The following KCNH7 variants were observed in gnomAD, a reference collection of about 807,000 sequenced individuals.
The protein encoded by KCNH7 is potassium voltage-gated channel subfamily H member 7, also known as voltage-gated inwardly rectifying potassium channel KCNH7.
KCNH7 carries 49 observed loss-of-function variants against 120.8 expected under a neutral mutation model. The observed-to-expected ratio is 0.41, with a 90% CI of 0.32 to 0.51. KCNH7 has a LOEUF of 0.51. Among genes scored for constraint, KCNH7 ranks in the 20% least tolerant of loss-of-function variants. The pLI, the probability that KCNH7 is intolerant of heterozygous loss-of-function variation, is 0.38. For synonymous variants in KCNH7, 547 were observed against 516.1 expected (o/e 1.06, Z -0.81); for missense variants, 1,097 against 1,446.6 (o/e 0.76, Z 3.92).
chr2:162,793,993 G>T (rs909825400), intron 2 of KCNH7, among the ~76,000 whole-genome samples: 1 of 151,702 alleles, frequency 6.6e-6, no homozygotes, highest in Non-Finnish European at 1.5e-5. Flanking sequence ...AATTGATTGT[G>T]GTGATTACTT....
At chr2:162,613,016 T>C (rs1683020782) in intron 2 of KCNH7, among the ~76,000 whole-genome samples, 1 of 151,962 alleles carries the variant, frequency 6.6e-6, no homozygotes, top group Non-Finnish European at 1.5e-5. Context: ...ATGTATTTAC[T>C]TGGGCTTCTG....
At chr2:162,458,602 T>C (rs1689050136) in intron 6 of KCNH7, among the ~76,000 whole-genome samples, 1 of 152,294 alleles carries the variant, frequency 6.6e-6, no homozygotes, top group South Asian at 2.1e-4. Flanking sequence ...GTTGCTTTCA[T>C]TTAGAAAATA....
intron 2 of KCNH7, among the ~76,000 whole-genome samples, chr2:162,776,868 T>C (rs1256576185): frequency 2.0e-5 from 3 of 152,208 alleles, no homozygotes; most frequent in Non-Finnish European, 2.9e-5. Flanking sequence ...GAAGTAACTT[T>C]CTGGCTTGGG....
rs1198058793 is a variant in KCNH7 at position 162,679,762 on chromosome 2, GTTAA to G, written c.308-142686_308-142683del. 6.6e-5 allele frequency among the ~76,000 whole-genome samples: 10 copies of G among 151,592 alleles called. No homozygotes were observed. The East Asian group carries it at 1.7e-3, about 26-fold the overall frequency. ...AAAACAAGGCAGGGTTCAGCTTTGT[GTTAA>G]TTAATGTATTATGCTTAATTTATTT... On this transcript the variant is annotated intron_variant, in intron 2 of 15. Transcript: ENST00000332142.
chr2:162,732,120 G>A (rs1687750669), intron 2 of KCNH7, among the ~76,000 whole-genome samples: 1 of 152,128 alleles, frequency 6.6e-6, no homozygotes, highest in Non-Finnish European at 1.5e-5. Flanking sequence ...GTGGTGTAGG[G>A]AGCAAGATGC....
chr2:162,593,346 G>A (rs1694275564), intron 2 of KCNH7, among the ~76,000 whole-genome samples: 1 of 152,060 alleles, frequency 6.6e-6, no homozygotes, highest in South Asian at 2.1e-4. Context: ...AGTGACAGGT[G>A]TTCTGTATTA....
intron 2 of KCNH7, among the ~76,000 whole-genome samples, chr2:162,620,406 G>A (rs996234121): frequency 2.0e-5 from 3 of 151,954 alleles, no homozygotes; most frequent in Non-Finnish European, 4.4e-5. Context: ...GATTCCAACA[G>A]TGTATTTTCT....
At chr2:162,590,363 A>G (rs779464612) in intron 2 of KCNH7, among the ~76,000 whole-genome samples, 7 of 152,100 alleles carry the variant, frequency 4.6e-5, no homozygotes, top group Non-Finnish European at 8.8e-5. Flanking sequence ...AAAGAGCTAG[A>G]GCAAGTATTT....
chr2:162,455,648 T>G lies in KCNH7; in HGVS notation c.1129-9205A>C, dbSNP rs1465771185. ...TCAGTTTATTCAGGGATTTGATTTCTTACTGGTTGAGTCTTGGGATGGTGT... is the reference window on the plus strand; with the variant it reads ...TCAGTTTATTCAGGGATTTGATTTCGTACTGGTTGAGTCTTGGGATGGTGT... On this transcript the variant is annotated intron_variant, in intron 6 of 15. Transcript: ENST00000332142. Among the ~76,000 whole-genome samples the G allele has an allele frequency of 6.6e-5, 10 of 152,314 alleles. No homozygotes were observed. The East Asian group carries it at 1.5e-3, about 23-fold the overall frequency.
intron 2 of KCNH7, among the ~76,000 whole-genome samples, chr2:162,821,559 T>C (rs1334854420): frequency 1.3e-5 from 2 of 152,236 alleles, no homozygotes; most frequent in East Asian, 3.8e-4. Flanking sequence ...GCATACATTT[T>C]GAAAAATGTC....
At chr2:162,805,478 A>G (rs2105553338) in intron 2 of KCNH7, among the ~76,000 whole-genome samples, 1 of 152,288 alleles carries the variant, frequency 6.6e-6, no homozygotes, top group East Asian at 1.9e-4. Flanking sequence ...AAACATATGA[A>G]AAAATGCTCA....
intron 3 of KCNH7, chr2:162,528,510 A>G (rs1691793683): frequency 6.6e-6 from 1 of 151,980 alleles, no homozygotes. Flanking sequence ...TAGAGGGGAC[A>G]CCACATGATA....
chr2:162,618,994 A>C (rs1292544027), intron 2 of KCNH7, among the ~76,000 whole-genome samples: 1 of 152,140 alleles, frequency 6.6e-6, no homozygotes, highest in Non-Finnish European at 1.5e-5. Context: ...ACTCCTCTAG[A>C]CTCAGAGACA....
At chr2:162,468,213 G>C (rs1689372510) in intron 6 of KCNH7, among the ~76,000 whole-genome samples, 1 of 152,092 alleles carries the variant, frequency 6.6e-6, no homozygotes, top group Non-Finnish European at 1.5e-5. Context: ...GGAGGAGTCT[G>C]ATTACTGGGC....
At chr2:162,581,563 C>A (rs1199912512) in intron 2 of KCNH7, among the ~76,000 whole-genome samples, 1 of 151,306 alleles carries the variant, frequency 6.6e-6, no homozygotes, top group Non-Finnish European at 1.5e-5. Flanking sequence ...CCTTTCTAAC[C>A]ATGGAAAATT....
At chr2:162,637,859 T>G (rs1252930243) in intron 2 of KCNH7, among the ~76,000 whole-genome samples, 1 of 152,084 alleles carries the variant, frequency 6.6e-6, no homozygotes, top group African/African-American at 2.4e-5. Flanking sequence ...GATGAAAAGT[T>G]GTAGTGTGTT....
intron 2 of KCNH7, among the ~76,000 whole-genome samples, chr2:162,831,811 CT>C (rs1685490101): frequency 1.3e-5 from 2 of 152,192 alleles, no homozygotes; most frequent in Admixed American, 1.3e-4. Flanking sequence ...AAGAATTTCT[CT>C]CTCAAGCTGG....
chr2:162,789,072 T>C (rs1180092327), intron 2 of KCNH7, among the ~76,000 whole-genome samples: 1 of 149,234 alleles, frequency 6.7e-6, no homozygotes, highest in East Asian at 2.0e-4. Flanking sequence ...AAATGAGAGA[T>C]ACTTTCCCAA....
chr2:162,575,006 G>A (rs1367836902), intron 2 of KCNH7, among the ~76,000 whole-genome samples: 1 of 152,020 alleles, frequency 6.6e-6, no homozygotes, highest in East Asian at 1.9e-4. Flanking sequence ...GGAAGTGTTG[G>A]GCATGTGAGG....
Sources: allele counts gnomAD v4.1 joint callset (sites outside exome capture counted in the v4.1 genomes callset), GRCh38; gene constraint gnomAD v4.1.1; transcripts MANE v1.5; gene names NCBI Gene and HGNC (gene_info 2026-07-23, HGNC 2026-07-21).